ADARB1: variants seen among roughly 807,000 people sequenced by gnomAD.
ADARB1 encodes adenosine deaminase RNA specific B1.
Under a neutral mutation model 52.4 loss-of-function variants are expected in ADARB1, and 10 were observed. That is an observed-to-expected ratio of 0.19 (90% CI 0.12 to 0.32). ADARB1 has a LOEUF of 0.32. ADARB1 is among the 10% of genes least tolerant of loss of function. The probability of loss-of-function intolerance (pLI) is 1.00; values close to 1 mark genes in which losing one functional copy is unlikely to be tolerated. For missense variants in ADARB1, 643 were observed against 922.3 expected (o/e 0.70, Z 3.92); for synonymous variants, 349 against 371.1 (o/e 0.94, Z 0.68).
chr21:45,109,153 G>A (rs958616683), intron 1 of ADARB1, among the ~76,000 whole-genome samples: 1 of 150,980 alleles, frequency 6.6e-6, no homozygotes, highest in East Asian at 2.0e-4. Flanking sequence ...GTGTGCGCGC[G>A]TGTGCGTATA....
chr21:45,171,190 T>C (rs1186406670), intron 2 of ADARB1, among the ~76,000 whole-genome samples: 3 of 152,206 alleles, frequency 2.0e-5, no homozygotes, highest in African/African-American at 7.2e-5. Context: ...AGCAGGCGTC[T>C]TTCCAGAGTG....
rs1303029781 is a variant in ADARB1 at position 45,225,005 on chromosome 21, G to A, written c.*2808G>A. 1 of 985,312 alleles carries A rather than the reference G, an allele frequency of 1.0e-6. No individual in the cohort carries two copies. The highest frequency in any genetic ancestry group is 1.2e-6 in the Non-Finnish European group (1 of 829,970). The allele number at this position is 985,312 out of a possible 1,614,324, so 61.0% of individuals were successfully genotyped here. On this transcript the variant is annotated 3_prime_UTR_variant, in exon 11 of 11. Transcript: ENST00000348831. ...GAAAATTCGACACAAGCAGGAACTT[G>A]ATTTTTTAAGAAAAAATATTACATT...
intron 5 of ADARB1, chr21:45,181,578 TTTG>T (rs753085734): frequency 2.5e-4 from 38 of 152,764 alleles, no homozygotes; most frequent in African/African-American, 6.0e-4. Flanking sequence ...CTTTCATCGT[TTTG>T]TTGTTGTTGT....
At chr21:45,145,855 G>GT (rs1184341223) in intron 2 of ADARB1, 15 of 152,180 alleles carry the variant, frequency 9.9e-5, no homozygotes, top group African/African-American at 3.6e-4. Flanking sequence ...TGCTTTTAGC[G>GT]TATTTTCACT....
intron 1 of ADARB1, among the ~76,000 whole-genome samples, chr21:45,110,771 C>T (rs995062071): frequency 6.6e-6 from 1 of 152,100 alleles, no homozygotes; most frequent in Non-Finnish European, 1.5e-5. Context: ...ACATTTTAAT[C>T]AGATCTCATG....
rs538480761 is a variant in ADARB1 at position 45,204,188 on chromosome 21, G to T, written c.1566-367G>T. On this transcript the variant is annotated intron_variant, in intron 8 of 10. Coordinates refer to ENST00000348831, the MANE Select transcript of ADARB1 (RefSeq NM_001112.4). This position sits in a 1 kb window ranked among gnomAD's most constrained non-coding sequence, Gnocchi z 4.4. Reference sequence around the variant, plus strand: ...TTTTCATTTAATATCTTCAGATCACGGTTGACAGTGAGTAACTGAAACCTC... The same window carrying T: ...TTTTCATTTAATATCTTCAGATCACTGTTGACAGTGAGTAACTGAAACCTC... Among the ~76,000 whole-genome samples the T allele has an allele frequency of 1.1e-4, 16 of 152,262 alleles. No individual in the cohort carries two copies. In the South Asian group the frequency reaches 2.9e-3, roughly 28 times the overall value.
At chr21:45,213,656 C>T (rs1384927140) in intron 9 of ADARB1, among the ~76,000 whole-genome samples, 1 of 152,106 alleles carries the variant, frequency 6.6e-6, no homozygotes, top group Non-Finnish European at 1.5e-5. Flanking sequence ...AGGTTTGCAC[C>T]GTTTTGGTCT....
chr21:45,184,897 G>A (rs1218955796), intron 7 of ADARB1, 26 bp from the exon 8 acceptor site: 1 of 1,585,170 alleles, frequency 6.3e-7, no homozygotes, highest in African/African-American at 1.3e-5. Context: ...ACTACCTGTG[G>A]GGTTTTAACT....
chr21:45,125,543 T>A (rs887115233), intron 1 of ADARB1, among the ~76,000 whole-genome samples: 6 of 152,274 alleles, frequency 3.9e-5, no homozygotes, highest in African/African-American at 1.4e-4. Context: ...GGTCTGGACC[T>A]GGCAGTACCA....
At chr21:45,145,038 G>C in intron 2 of ADARB1, 2 of 158,110 alleles carry the variant, frequency 1.3e-5, no homozygotes, top group South Asian at 1.8e-4. Context: ...GGATTATACA[G>C]TGTGATAGTC....
At chr21:45,084,591 G>T (rs950192055) in intron 1 of ADARB1, among the ~76,000 whole-genome samples, 1 of 152,142 alleles carries the variant, frequency 6.6e-6, no homozygotes, top group Non-Finnish European at 1.5e-5. Flanking sequence ...ATTGAGCAGG[G>T]GTTGTTTTTC....
At chr21:45,164,461 C>T (rs569035837) in intron 2 of ADARB1, among the ~76,000 whole-genome samples, 1 of 150,902 alleles carries the variant, frequency 6.6e-6, no homozygotes, top group African/African-American at 2.4e-5. Context: ...ATGTGGGCCT[C>T]GCAGCCCACT....
At chr21:45,135,560 C>G (rs964880515) in intron 2 of ADARB1, among the ~76,000 whole-genome samples, 1 of 152,158 alleles carries the variant, frequency 6.6e-6, no homozygotes, top group Non-Finnish European at 1.5e-5. Context: ...AGTTGGTGAC[C>G]TCAAAACCGT....
At position 45,223,410 on chromosome 21, in the gene ADARB1, G is replaced by A. The variant is rs543593369; in HGVS notation, c.*1213G>A. ...GCCCCACGACAGAGGGAGTCAGCCC[G>A]GGAGGTCAGGAGCGCGGCGGGCGAG... On this transcript the variant is annotated 3_prime_UTR_variant, in exon 11 of 11. Transcript: ENST00000348831. The A allele has an allele frequency of 1.8e-5, 18 of 985,816 alleles. No individual in the cohort carries two copies. The East Asian group carries it at 1.0e-3, about 56-fold the overall frequency. The allele number at this position is 985,816 out of a possible 1,614,324, so 61.1% of individuals were successfully genotyped here.
intron 2 of ADARB1, among the ~76,000 whole-genome samples, chr21:45,146,820 T>G (rs566220902): frequency 6.6e-6 from 1 of 152,378 alleles, no homozygotes; most frequent in East Asian, 1.9e-4. Flanking sequence ...TTTTCCTTTT[T>G]TCTTACCCTG....
intron 2 of ADARB1, among the ~76,000 whole-genome samples, chr21:45,132,877 G>C (rs2089039818): frequency 6.6e-6 from 1 of 152,232 alleles, no homozygotes; most frequent in Non-Finnish European, 1.5e-5. Flanking sequence ...TAGGGCTAGA[G>C]ATAGACGAAG....
At chr21:45,156,300 C>CT (rs2090617150) in intron 2 of ADARB1, among the ~76,000 whole-genome samples, 1 of 147,514 alleles carries the variant, frequency 6.8e-6, no homozygotes, top group Non-Finnish European at 1.5e-5. Flanking sequence ...ACCCATCATC[C>CT]ATCCATCCAT....
chr21:45,172,545 G>A lies in ADARB1; in HGVS notation c.28+861G>A, dbSNP rs180929213. On this transcript the variant is annotated intron_variant, in intron 3 of 10. Coordinates refer to ENST00000348831, the MANE Select transcript of ADARB1 (RefSeq NM_001112.4). This position sits in a 1 kb window ranked among gnomAD's most constrained non-coding sequence, Gnocchi z 4.4. ...TCTGGGGTCTTGGAGTCACTCTTGC[G>A]TACCATGTAGAACCCAAACCATGAC... 1.1e-3 allele frequency among the ~76,000 whole-genome samples: 170 copies of A among 152,254 alleles called. 1 individual carries two copies. The highest frequency in any genetic ancestry group is 3.9e-3 in the South Asian group (19 of 4,824).
At chr21:45,101,944 G>A (rs957147238) in intron 1 of ADARB1, among the ~76,000 whole-genome samples, 10 of 152,228 alleles carry the variant, frequency 6.6e-5, no homozygotes, top group Non-Finnish European at 1.5e-4. Flanking sequence ...CTGGAGTGCA[G>A]TGGTAATCAT....
Sources: gnomAD v4.1 joint callset for allele counts (sites outside exome capture counted in the v4.1 genomes callset) on GRCh38, gnomAD v4.1.1 for gene constraint, Gnocchi (gnomAD v3.1) non-coding constraint, MANE v1.5 for transcripts, NCBI Gene and HGNC (gene_info 2026-07-23, HGNC 2026-07-21) for gene names.